Variants in TIAM1 observed in about 807,000 individuals in gnomAD.
TIAM1 encodes rho guanine nucleotide exchange factor TIAM1.
TIAM1 carries 65 observed loss-of-function variants against 163.5 expected under a neutral mutation model. That is an observed-to-expected ratio of 0.40 (90% confidence interval 0.33 to 0.49). The LOEUF (loss-of-function observed/expected upper bound fraction) is 0.49. Among genes scored for constraint, TIAM1 ranks in the 20% least tolerant of loss-of-function variants. The probability of loss-of-function intolerance (pLI) is 0.77; values close to 1 mark genes in which losing one functional copy is unlikely to be tolerated. For synonymous variants in TIAM1, 833 were observed against 810.1 expected, an observed-to-expected ratio of 1.03 and a Z score of -0.48; for missense variants, 1,789 against 2,044.7, an observed-to-expected ratio of 0.87 and a Z score of 2.41.
intron 1 of TIAM1, among the ~76,000 whole-genome samples, chr21:31,544,728 T>G (rs895002322): frequency 6.7e-6 from 1 of 149,308 alleles, no homozygotes; most frequent in Non-Finnish European, 1.5e-5. Context: ...TATGTCAAAA[T>G]CCTGGCCAGG....
intron 11 of TIAM1, among the ~76,000 whole-genome samples, chr21:31,204,867 C>A (rs2146531923): frequency 6.6e-6 from 1 of 152,302 alleles, no homozygotes; most frequent in Middle Eastern, 3.4e-3. Context: ...TTCTTGGGAA[C>A]CCCAACCTTT....
Position 31,137,007 on chromosome 21 carries a change from C to G in TIAM1, c.3775-966G>C, listed in dbSNP as rs566462886. On this transcript the variant is annotated intron_variant, in intron 22 of 27. Coordinates refer to ENST00000541036, the MANE Select transcript of TIAM1 (RefSeq NM_001353694.2). ...TAGTCGCTCACCCCCAGCGGTCACA[C>G]GCTAAACTGTCTCCGACAGACAAGT... 2.0e-5 allele frequency among the ~76,000 whole-genome samples: 3 copies of G among 152,356 alleles called. No individual in the cohort carries two copies. In the East Asian group the frequency reaches 5.8e-4, roughly 29 times the overall value.
rs1251100218 is a variant in TIAM1, at chr21:31,266,395, A to C, written c.578T>G (p.Leu193Ter). 1 of 1,614,182 alleles carries C rather than the reference A, an allele frequency of 6.2e-7. No homozygotes were observed. ...FSLSDLSQEHLTSNEEILGSA... is the reference protein window; with the variant it reads ...FSLSDLSQEH Reference sequence around the variant, plus strand: ...ACCCAAGATTTCTTCGTTGCTTGTTAAATGTTCTTGGCTCAGATCAGAGAG... The same window carrying C: ...ACCCAAGATTTCTTCGTTGCTTGTTCAATGTTCTTGGCTCAGATCAGAGAG... Residue 193 changes from leucine (L) to a stop codon, truncating the protein, a stop_gained, in exon 4 of 28, where the codon TTA becomes TGA. Coordinates refer to ENST00000541036, the MANE Select transcript of TIAM1 (RefSeq NM_001353694.2). LOFTEE classifies it high-confidence loss of function.
At chr21:31,467,919 A>G (rs10854346) in intron 1 of TIAM1, among the ~76,000 whole-genome samples, 101,266 of 151,090 alleles carry the variant, frequency 0.67, 34,418 homozygotes, top group Non-Finnish European at 0.7. Flanking sequence ...AACCCTGTCT[A>G]TGCTAAAAAT....
intron 2 of TIAM1, among the ~76,000 whole-genome samples, chr21:31,407,208 C>A (rs2077262394): frequency 6.6e-6 from 1 of 152,180 alleles, no homozygotes; most frequent in Non-Finnish European, 1.5e-5. Flanking sequence ...AAAACGATTC[C>A]AAACCTCTAA....
In TIAM1 at chr21:31,251,893, C is replaced by G. The variant is rs1252599556; in HGVS notation, c.1260G>C (p.Pro420=). 4 of 1,613,698 alleles carry G rather than the reference C, an allele frequency of 2.5e-6. No homozygotes were observed. Among genetic ancestry groups the G allele is most frequent in the African/African-American group, 2.7e-5 (2 of 74,934 alleles). ...DEQSSGTLSS[P]GQSDILLTAA... ...CGGTCAGCAGGATGTCCGACTGGCC[C>G]GGAGAGCTCAGGGTGCCGCTGCTCT... is the stretch of plus-strand genomic sequence containing the variant. Residue 420 remains proline, a synonymous_variant, in exon 5 of 28, where the codon CCG becomes CCC. Coordinates refer to ENST00000541036, the MANE Select transcript of TIAM1 (RefSeq NM_001353694.2).
At chr21:31,545,476 A>G (rs572424284) in intron 1 of TIAM1, among the ~76,000 whole-genome samples, 1 of 152,230 alleles carries the variant, frequency 6.6e-6, no homozygotes, top group Non-Finnish European at 1.5e-5. Flanking sequence ...GGAAATCATC[A>G]ATGCTTTGGG....
intron 2 of TIAM1, among the ~76,000 whole-genome samples, chr21:31,419,109 A>C (rs544251215): frequency 6.6e-6 from 1 of 152,198 alleles, no homozygotes; most frequent in East Asian, 1.9e-4. Flanking sequence ...CTGGTAACTA[A>C]ACTCCTCCAA....
At chr21:31,404,088 T>C (rs1299764010) in intron 2 of TIAM1, among the ~76,000 whole-genome samples, 1 of 152,202 alleles carries the variant, frequency 6.6e-6, no homozygotes, top group African/African-American at 2.4e-5. Flanking sequence ...TATCAGTCCA[T>C]ACCTTTTATC....
chr21:31,441,785 A>G (rs1183757447), intron 2 of TIAM1, among the ~76,000 whole-genome samples: 2 of 151,666 alleles, frequency 1.3e-5, no homozygotes, highest in Admixed American at 6.6e-5. Context: ...ATGGTGGCTC[A>G]TGCCTGTAAT....
chr21:31,436,180 A>G (rs1299558634), intron 2 of TIAM1, among the ~76,000 whole-genome samples: 1 of 152,118 alleles, frequency 6.6e-6, no homozygotes, highest in Non-Finnish European at 1.5e-5. Context: ...GGATCTATCT[A>G]TTCATTTATC....
Position 31,219,624 on chromosome 21 carries a change from G to A in TIAM1, c.1996-1925C>T, listed in dbSNP as rs149714753. ...GTACATTAAAAACAGGAATCAAAAC[G>A]GCTTCTCTACAAGGGTATTAGAGGG... On this transcript the variant is annotated intron_variant, in intron 8 of 27. Transcript: ENST00000541036. Among the ~76,000 whole-genome samples, 43 of 152,234 alleles carry A rather than the reference G, an allele frequency of 2.8e-4. No individual in the cohort carries two copies. In the East Asian group the frequency reaches 6.4e-3, roughly 23 times the overall value.
At chr21:31,540,859 A>G (rs754295490) in intron 1 of TIAM1, among the ~76,000 whole-genome samples, 8 of 152,134 alleles carry the variant, frequency 5.3e-5, no homozygotes, top group Non-Finnish European at 1.0e-4. Flanking sequence ...AAAGAAATGG[A>G]GAAAGAGAGA....
chr21:31,131,002 C>G, intron 23 of TIAM1, 54 bp from the exon 24 acceptor site: 1 of 1,477,906 alleles, frequency 6.8e-7, no homozygotes, highest in Non-Finnish European at 9.4e-7. Context: ...GGGTTTTCCC[C>G]TTGACATCAC....
chr21:31,413,756 G>C lies in TIAM1; in HGVS notation c.-369+50227C>G, dbSNP rs981407668. ...ATGCTGTTTCTTGATACCAGCTCCAGATCAGATTTGAAGTCCCAGGCAAAG... is the reference window on the plus strand; with the variant it reads ...ATGCTGTTTCTTGATACCAGCTCCACATCAGATTTGAAGTCCCAGGCAAAG... On this transcript the variant is annotated intron_variant, in intron 2 of 28. Coordinates refer to the TIAM1 transcript ENST00000286827. Among the ~76,000 whole-genome samples, 4 of 152,292 alleles carry C rather than the reference G, an allele frequency of 2.6e-5. No homozygotes were observed. The South Asian group carries it at 6.2e-4, about 24-fold the overall frequency.
intron 13 of TIAM1, among the ~76,000 whole-genome samples, chr21:31,194,467 G>T (rs552337284): frequency 6.6e-6 from 1 of 152,206 alleles, no homozygotes; most frequent in Non-Finnish European, 1.5e-5. Flanking sequence ...TATAGTTTTC[G>T]GGAGGGGGTG....
chr21:31,552,683 T>C (rs546062533), intron 1 of TIAM1, among the ~76,000 whole-genome samples: 14 of 152,108 alleles, frequency 9.2e-5, no homozygotes, highest in South Asian at 4.2e-4. Flanking sequence ...GGCACAAGAA[T>C]TGCTTGAACC....
chr21:31,490,609 G>A (rs1450053898), intron 1 of TIAM1, among the ~76,000 whole-genome samples: 1 of 152,114 alleles, frequency 6.6e-6, no homozygotes, highest in Non-Finnish European at 1.5e-5. Context: ...AAACCAATGA[G>A]AGCCTCCCAT....
chr21:31,559,071 G>C (rs1601106724), upstream of TIAM1: 1 of 151,922 alleles, frequency 6.6e-6, no homozygotes, highest in Non-Finnish European at 1.5e-5. Flanking sequence ...GGCCGCGCTC[G>C]AACCCGCTCG....
Sources: allele counts gnomAD v4.1 joint callset (sites outside exome capture counted in the v4.1 genomes callset), GRCh38; gene constraint gnomAD v4.1.1; transcripts MANE v1.5; gene names NCBI Gene and HGNC (gene_info 2026-07-23, HGNC 2026-07-21).